VPS37D: variants seen among roughly 807,000 people sequenced by gnomAD.
VPS37D encodes VPS37D subunit of ESCRT-I.
In VPS37D, 5 loss-of-function variants were observed where a neutral mutation model predicts 22.0. The observed-to-expected ratio is 0.23, with a 90% CI of 0.12 to 0.48. VPS37D has a LOEUF of 0.48. VPS37D is among the 20% of genes least tolerant of loss of function. The probability of loss-of-function intolerance (pLI) is 0.99; values close to 1 mark genes in which losing one functional copy is unlikely to be tolerated. For missense variants in VPS37D, 384 were observed against 345.8 expected (o/e 1.11, Z -0.88); for synonymous variants, 174 against 159.3 (o/e 1.09, Z -0.69).
chr7:73,669,070 C>G (rs1372388767), intron 1 of VPS37D, among the ~76,000 whole-genome samples: 1 of 152,084 alleles, frequency 6.6e-6, no homozygotes, highest in Non-Finnish European at 1.5e-5. Context: ...GGGCACTCCT[C>G]CGGGACCTGA....
In VPS37D at chr7:73,671,082, C is replaced by A; in HGVS notation, c.462C>A (p.Gly154=). The part of the protein sequence containing the change: ...LEAFLPAFQR[G]RALAHLRRTQ... ...CCTTCCTGCCTGCCTTCCAGCGTGG[C>A]CGCGCCCTGGCCCACCTGAGGCGGA... The change falls in exon 4 of 4, where the codon GGC becomes GGA. Residue 154 remains glycine, a synonymous_variant. Transcript: ENST00000324941. 2 of 1,611,304 alleles carry A rather than the reference C, an allele frequency of 1.2e-6. No individual in the cohort carries two copies. Among genetic ancestry groups the A allele is most frequent in the Non-Finnish European group, 1.7e-6 (2 of 1,179,688 alleles).
chr7:73,665,540 AG>A (rs1797356528), upstream of VPS37D, among the ~76,000 whole-genome samples: 1 of 152,176 alleles, frequency 6.6e-6, no homozygotes, highest in Non-Finnish European at 1.5e-5. Flanking sequence ...GTAAAAATGT[AG>A]AACTGTTTTT....
intron 1 of VPS37D, 139 bp downstream of exon 1, chr7:73,668,235 C>A: frequency 2.7e-6 from 1 of 368,470 alleles, no homozygotes; most frequent in Non-Finnish European, 3.8e-6. Flanking sequence ...GTGGGCCCCG[C>A]GGAGCCACCC....
At chr7:73,670,131 G>A (rs1035163744) in intron 3 of VPS37D, 29 bp downstream of exon 3, 1 of 1,549,854 alleles carries the variant, frequency 6.5e-7, no homozygotes. Context: ...GGGGCTGGGG[G>A]CCAGGAGGGA....
Position 73,668,048 on chromosome 7 carries a change from G to A in VPS37D, c.90G>A (p.Leu30=). ...GILSTGQLRD[L]LQDEPKLDRI... is the part of the protein sequence containing the mutation. ...TCAGCACCGGGCAGCTCCGGGACCTGCTTCAGGATGAGCCCAAGCTGGACC... is the reference window on the plus strand; with the variant it reads ...TCAGCACCGGGCAGCTCCGGGACCTACTTCAGGATGAGCCCAAGCTGGACC... The change falls in exon 1 of 4, where the codon CTG becomes CTA. Residue 30 remains leucine, a synonymous_variant. Transcript: ENST00000324941. 3 of 1,170,300 alleles carry A rather than the reference G, an allele frequency of 2.6e-6. No homozygotes were observed. The highest frequency in any genetic ancestry group is 3.2e-6 in the Non-Finnish European group (3 of 936,830). 72.5% of individuals were successfully genotyped at this position (1,170,300 alleles called of 1,614,324 possible).
At chr7:73,666,842 C>G (rs1407303026), upstream of VPS37D, among the ~76,000 whole-genome samples, 1 of 152,176 alleles carries the variant, frequency 6.6e-6, no homozygotes, top group Non-Finnish European at 1.5e-5. Flanking sequence ...GTTGCCCAGG[C>G]TGGTCTCAAA....
Position 73,671,395 on chromosome 7 carries a change from C to A in VPS37D, c.*19C>A. 1 of 1,354,194 alleles carries A rather than the reference C, an allele frequency of 7.4e-7. No homozygotes were observed. Among genetic ancestry groups the A allele is most frequent in the Non-Finnish European group, 9.5e-7 (1 of 1,054,114 alleles). 83.9% of individuals were successfully genotyped at this position (1,354,194 alleles called of 1,614,324 possible). A position where few individuals can be genotyped will look rare whatever the true frequency, so the allele number is the denominator to read the frequency against. ...CCGGTAGGATCCACGGTGCGGCCCC[C>A]CAGTTGGGGGGCCTAGACAAACTTG... is the stretch of plus-strand genomic sequence containing the variant. On this transcript the variant is annotated 3_prime_UTR_variant, in exon 4 of 4. Coordinates refer to ENST00000324941, the MANE Select transcript of VPS37D (RefSeq NM_001077621.2).
At chr7:73,666,344 G>C (rs559470111), upstream of VPS37D, among the ~76,000 whole-genome samples, 12 of 152,302 alleles carry the variant, frequency 7.9e-5, no homozygotes, top group African/African-American at 2.6e-4. Flanking sequence ...ATGCTCTGTG[G>C]ACACTGTACA....
In VPS37D at chr7:73,671,073, C is replaced by T; in HGVS notation, c.453C>T (p.Phe151=). 2 of 1,611,824 alleles carry T rather than the reference C, an allele frequency of 1.2e-6. No individual in the cohort carries two copies. The highest frequency in any genetic ancestry group is 2.2e-5 in the South Asian group (2 of 91,034). The change falls in exon 4 of 4, where the codon TTC becomes TTT. Residue 151 remains phenylalanine, a synonymous_variant. Coordinates refer to ENST00000324941, the MANE Select transcript of VPS37D (RefSeq NM_001077621.2). ...EQSLEAFLPA[F]QRGRALAHLR... ...GCCTGGAGGCCTTCCTGCCTGCCTT[C>T]CAGCGTGGCCGCGCCCTGGCCCACC...
Position 73,667,882 on chromosome 7 carries a change from C to G in VPS37D, c.-77C>G, listed in dbSNP as rs1164660580. 2 of 434,758 alleles carry G rather than the reference C, an allele frequency of 4.6e-6. No homozygotes were observed. Among genetic ancestry groups the G allele is most frequent in the Middle Eastern group, 1.1e-3 (1 of 944 alleles). The allele number at this position is 434,758 out of a possible 1,614,324, so 26.9% of individuals were successfully genotyped here. A position where few individuals can be genotyped will look rare whatever the true frequency, so the allele number is the denominator to read the frequency against. ...AGCGGATCCTGGAGCCGGAGCGGAG[C>G]GGAGCGGAGCGGAGCCGGGGCGGAG... On this transcript the variant is annotated 5_prime_UTR_variant, in exon 1 of 4. Transcript: ENST00000324941.
intron 2 of VPS37D, 121 bp downstream of exon 2, chr7:73,669,711 G>T: frequency 4.7e-6 from 6 of 1,284,592 alleles, no homozygotes; most frequent in Non-Finnish European, 6.4e-6. Context: ...CTCCTGGCTT[G>T]CTGGGCAGTA....
At chr7:73,668,442 GC>G (rs1797431432) in intron 1 of VPS37D, among the ~76,000 whole-genome samples, 1 of 151,570 alleles carries the variant, frequency 6.6e-6, no homozygotes, top group South Asian at 2.1e-4. Context: ...AAGAGGAGGC[GC>G]CTTCCACTGG....
At chr7:73,667,126 C>A (rs1349058090), upstream of VPS37D, among the ~76,000 whole-genome samples, 2 of 152,046 alleles carry the variant, frequency 1.3e-5, no homozygotes, top group Non-Finnish European at 2.9e-5. Context: ...GCGCCCGCCA[C>A]CACGCCCGGC....
chr7:73,671,388 C>G lies in VPS37D; in HGVS notation c.*12C>G. ...CCCCCCACCGGTAGGATCCACGGTGCGGCCCCCCAGTTGGGGGGCCTAGAC... is the reference window on the plus strand; with the variant it reads ...CCCCCCACCGGTAGGATCCACGGTGGGGCCCCCCAGTTGGGGGGCCTAGAC... On this transcript the variant is annotated 3_prime_UTR_variant, in exon 4 of 4. Coordinates refer to ENST00000324941, the MANE Select transcript of VPS37D (RefSeq NM_001077621.2). The G allele has an allele frequency of 7.4e-7, 1 of 1,360,318 alleles. No individual in the cohort carries two copies. The highest frequency in any genetic ancestry group is 1.7e-5 in the South Asian group (1 of 59,066). 84.3% of individuals were successfully genotyped at this position (1,360,318 alleles called of 1,614,324 possible). A position where few individuals can be genotyped will look rare whatever the true frequency, so the allele number is the denominator to read the frequency against.
rs1554608977 is a variant in VPS37D, at chr7:73,667,997, C to T, written c.39C>T (p.Pro13=). 9.0e-7 allele frequency: 1 copy of T among 1,108,682 alleles called. No individual in the cohort carries two copies. The highest frequency in any genetic ancestry group is 1.1e-6 in the Non-Finnish European group (1 of 905,282). 68.7% of individuals were successfully genotyped at this position (1,108,682 alleles called of 1,614,324 possible). A position where few individuals can be genotyped will look rare whatever the true frequency, so the allele number is the denominator to read the frequency against. ...GGGCGGCGCGGGCGGGGCCGGAGCCCGGCAGCCCGGGGCGCTTTGGGATCC... is the reference window on the plus strand; with the variant it reads ...GGGCGGCGCGGGCGGGGCCGGAGCCTGGCAGCCCGGGGCGCTTTGGGATCC... ...RARAARAGPE[P]GSPGRFGILS... Residue 13 remains proline, a synonymous_variant, in exon 1 of 4, where the codon CCC becomes CCT. Transcript: ENST00000324941.
chr7:73,665,971 C>A (rs898062391), upstream of VPS37D, among the ~76,000 whole-genome samples: 2 of 152,158 alleles, frequency 1.3e-5, no homozygotes, highest in African/African-American at 4.8e-5. Flanking sequence ...CCACCTCAGC[C>A]TCCTGAGCAG....
chr7:73,671,078 G>A lies in VPS37D; in HGVS notation c.458G>A (p.Arg153His), dbSNP rs782241173. The change falls in exon 4 of 4, where the codon CGT becomes CAT. Residue 153 changes from arginine to histidine, a missense_variant. Arg to His is a conservative substitution (Grantham distance 29, BLOSUM62 0). Transcript: ENST00000324941. ...GAGGCCTTCCTGCCTGCCTTCCAGC[G>A]TGGCCGCGCCCTGGCCCACCTGAGG... The part of the protein sequence containing the change: ...SLEAFLPAFQ[R>H]GRALAHLRRT... 33 of 1,611,412 alleles carry A rather than the reference G, an allele frequency of 2.0e-5. No individual in the cohort carries two copies. Among genetic ancestry groups the A allele is most frequent in the African/African-American group, 1.7e-4 (13 of 74,912 alleles).
Position 73,667,877 on chromosome 7 carries a change from CG to C in VPS37D, c.-80del. 2.7e-6 allele frequency: 1 copy of C among 369,062 alleles called. No individual in the cohort carries two copies. The highest frequency in any genetic ancestry group is 1.0e-4 in the South Asian group (1 of 9,646). 22.9% of individuals were successfully genotyped at this position (369,062 alleles called of 1,614,324 possible). ...GCCGGAGCGGATCCTGGAGCCGGAG[CG>C]GAGCGGAGCGGAGCGGAGCCGGGGC... On this transcript the variant is annotated 5_prime_UTR_variant, in exon 1 of 4. Coordinates refer to ENST00000324941, the MANE Select transcript of VPS37D (RefSeq NM_001077621.2).
chr7:73,668,047 T>C lies in VPS37D; in HGVS notation c.89T>C (p.Leu30Pro). Reference sequence around the variant, plus strand: ...CTCAGCACCGGGCAGCTCCGGGACCTGCTTCAGGATGAGCCCAAGCTGGAC... The same window carrying C: ...CTCAGCACCGGGCAGCTCCGGGACCCGCTTCAGGATGAGCCCAAGCTGGAC... ...GILSTGQLRD[L>P]LQDEPKLDRI... is the part of the protein sequence containing the mutation. The change falls in exon 1 of 4, where the codon CTG becomes CCG. Residue 30 changes from leucine to proline, a missense_variant. By Grantham distance (98) the Leu-to-Pro change is moderately conservative. Coordinates refer to ENST00000324941, the MANE Select transcript of VPS37D (RefSeq NM_001077621.2). 1.7e-6 allele frequency: 2 copies of C among 1,166,006 alleles called. No homozygotes were observed. The allele number at this position is 1,166,006 out of a possible 1,614,324, so 72.2% of individuals were successfully genotyped here. A position where few individuals can be genotyped will look rare whatever the true frequency, so the allele number is the denominator to read the frequency against.
Sources: gnomAD v4.1 joint callset for allele counts (sites outside exome capture counted in the v4.1 genomes callset) on GRCh38, gnomAD v4.1.1 for gene constraint, MANE v1.5 for transcripts, NCBI Gene and HGNC (gene_info 2026-07-23, HGNC 2026-07-21) for gene names.